Variants in KCTD20 observed in about 807,000 individuals in gnomAD.
The protein encoded by KCTD20 is potassium channel tetramerization domain containing 20.
A neutral mutation model predicts 39.6 loss-of-function variants in KCTD20; 30 were observed. The ratio of observed to expected loss-of-function variants is 0.76; its 90% CI spans 0.57 to 1.03. The LOEUF is 1.03. KCTD20 is among the 50% of genes least tolerant of loss of function. The pLI, the probability that KCTD20 is intolerant of heterozygous loss-of-function variation, is 0.00. For missense variants in KCTD20, 422 were observed against 522.0 expected (o/e 0.81, Z 1.87); for synonymous variants, 162 against 180.6 (o/e 0.90, Z 0.83).
chr6:36,461,676 A>G (rs748360495), intron 1 of KCTD20, among the ~76,000 whole-genome samples: 1 of 152,194 alleles, frequency 6.6e-6, no homozygotes, highest in Non-Finnish European at 1.5e-5. Context: ...ACAAAAAAGT[A>G]CTGTAACTCA....
At chr6:36,445,808 T>C (rs968858967) in intron 1 of KCTD20, among the ~76,000 whole-genome samples, 9 of 152,010 alleles carry the variant, frequency 5.9e-5, no homozygotes, top group Non-Finnish European at 8.8e-5. Flanking sequence ...TATAAGTAGA[T>C]GGAGAAAAAT....
At chr6:36,479,455 C>A in intron 4 of KCTD20, 136 bp from the exon 5 acceptor site, 1 of 818,820 alleles carries the variant, frequency 1.2e-6, no homozygotes, top group Non-Finnish European at 1.9e-6. Context: ...AGCTGTTTTG[C>A]CATCTAATGA....
At chr6:36,455,703 G>A (rs1385660790) in intron 1 of KCTD20, among the ~76,000 whole-genome samples, 6 of 152,108 alleles carry the variant, frequency 3.9e-5, no homozygotes, top group African/African-American at 1.2e-4. Flanking sequence ...TCTGAAACCC[G>A]TAAGACAGGT....
At position 36,473,666 on chromosome 6, in the gene KCTD20, G is replaced by A. The variant is rs367767362; in HGVS notation, c.161-1123G>A. Among the ~76,000 whole-genome samples the A allele has an allele frequency of 6.7e-4, 102 of 152,036 alleles. 1 individual carries two copies. The East Asian group carries it at 0.011, about 16-fold the overall frequency. ...CGGGCTCCTGTAGTCCCAGCTGCTCGGGAGGCTGAGGCAGGAGAATAGCGT... is the reference window on the plus strand; with the variant it reads ...CGGGCTCCTGTAGTCCCAGCTGCTCAGGAGGCTGAGGCAGGAGAATAGCGT... On this transcript the variant is annotated intron_variant, in intron 2 of 7. Transcript: ENST00000373731.
At chr6:36,445,867 A>G (rs1429168075) in intron 1 of KCTD20, among the ~76,000 whole-genome samples, 1 of 152,114 alleles carries the variant, frequency 6.6e-6, no homozygotes, top group Non-Finnish European at 1.5e-5. Flanking sequence ...TATCTGGAAA[A>G]ATGGAGATTG....
Position 36,469,907 on chromosome 6 carries a change from T to C in KCTD20, c.-46-145T>C, listed in dbSNP as rs1323306655. 1 of 441,604 alleles carries C rather than the reference T, an allele frequency of 2.3e-6. No homozygotes were observed. Among genetic ancestry groups the C allele is most frequent in the African/African-American group, 2.0e-5 (1 of 49,968 alleles). The allele number at this position is 441,604 out of a possible 1,614,324, so 27.4% of individuals were successfully genotyped here. A position where few individuals can be genotyped will look rare whatever the true frequency, so the allele number is the denominator to read the frequency against. ...TAAATCAGCCTGATTCCTATCGATA[T>C]AAAAATCACAAAAATGTTTAAGATG... On this transcript the variant is annotated intron_variant, in intron 1 of 7. Coordinates refer to ENST00000373731, the MANE Select transcript of KCTD20 (RefSeq NM_173562.5). This position sits in a 1 kb window ranked among gnomAD's most constrained non-coding sequence, Gnocchi z 4.6.
intron 2 of KCTD20, among the ~76,000 whole-genome samples, chr6:36,474,186 C>T (rs893514695): frequency 6.6e-6 from 1 of 151,856 alleles, no homozygotes; most frequent in East Asian, 1.9e-4. Context: ...AACTCATCAT[C>T]TAGCATTAGC....
chr6:36,447,956 A>C (rs1338369054), intron 1 of KCTD20, among the ~76,000 whole-genome samples: 3 of 150,004 alleles, frequency 2.0e-5, no homozygotes, highest in South Asian at 2.1e-4. Flanking sequence ...GTGCCACTGC[A>C]TTCCAGCCTG....
rs1486488251 is a variant in KCTD20, at chr6:36,488,132, G to A, written c.*957G>A. 6.6e-6 allele frequency: 1 copy of A among 152,234 alleles called. No homozygotes were observed. The highest frequency in any genetic ancestry group is 2.1e-4 in the South Asian group (1 of 4,828). 9.4% of individuals were successfully genotyped at this position (152,234 alleles called of 1,614,324 possible). On this transcript the variant is annotated 3_prime_UTR_variant, in exon 8 of 8. Coordinates refer to ENST00000373731, the MANE Select transcript of KCTD20 (RefSeq NM_173562.5). ...AGAGTGCCAGCATGGGGTACATGGA[G>A]TGAAGCTGGGTGGGAAGCATCATCT...
intron 5 of KCTD20, among the ~76,000 whole-genome samples, chr6:36,480,512 C>A (rs1323146905): frequency 1.3e-5 from 2 of 149,804 alleles, no homozygotes; most frequent in Non-Finnish European, 3.0e-5. Flanking sequence ...CCCACCTCAG[C>A]CTCCTGAGTA....
intron 1 of KCTD20, among the ~76,000 whole-genome samples, chr6:36,451,823 A>T (rs969510739): frequency 2.0e-5 from 3 of 151,216 alleles, no homozygotes; most frequent in African/African-American, 7.3e-5. Flanking sequence ...ATTTCTATTT[A>T]TTTATTTAGA....
At chr6:36,453,143 G>T (rs1775318714) in intron 1 of KCTD20, among the ~76,000 whole-genome samples, 1 of 151,520 alleles carries the variant, frequency 6.6e-6, no homozygotes, top group Non-Finnish European at 1.5e-5. Flanking sequence ...AAGTAGCTGG[G>T]ATTACAGACG....
chr6:36,451,468 T>A (rs1775252783), intron 1 of KCTD20: 1 of 152,146 alleles, frequency 6.6e-6, no homozygotes, highest in Non-Finnish European at 1.5e-5. Context: ...ATCTAATATA[T>A]CAATACTATT....
At chr6:36,465,557 T>G (rs184020575) in intron 1 of KCTD20, 4 of 152,022 alleles carry the variant, frequency 2.6e-5, no homozygotes, top group African/African-American at 7.2e-5. Flanking sequence ...GGATTCATAC[T>G]CAAGATGATT....
In KCTD20 at chr6:36,488,492, A is replaced by AT. The variant is rs1467194268; in HGVS notation, c.*1319dup. On this transcript the variant is annotated 3_prime_UTR_variant, in exon 8 of 8. Transcript: ENST00000373731. Reference sequence around the variant, plus strand: ...CAGAGCCAGATATAAGTATTTTGGAATTATCTCCCAGTTTGTGGTAGAAGC... The same window carrying AT: ...CAGAGCCAGATATAAGTATTTTGGAATTTATCTCCCAGTTTGTGGTAGAAGC... The AT allele has an allele frequency of 6.6e-6, 1 of 152,186 alleles. No individual in the cohort carries two copies. Among genetic ancestry groups the AT allele is most frequent in the Non-Finnish European group, 1.5e-5 (1 of 68,030 alleles). 9.4% of individuals were successfully genotyped at this position (152,186 alleles called of 1,614,324 possible). A position where few individuals can be genotyped will look rare whatever the true frequency, so the allele number is the denominator to read the frequency against.
At chr6:36,457,463 T>A (rs1003192704) in intron 1 of KCTD20, among the ~76,000 whole-genome samples, 3 of 152,196 alleles carry the variant, frequency 2.0e-5, no homozygotes, top group Admixed American at 1.3e-4. Flanking sequence ...ATTCCAATGC[T>A]TTGGGAGGCC....
chr6:36,446,344 A>T (rs992742557), intron 1 of KCTD20, among the ~76,000 whole-genome samples: 59 of 152,234 alleles, frequency 3.9e-4, no homozygotes, highest in African/African-American at 1.2e-3. Flanking sequence ...CAGTATTTTT[A>T]AAAAAATATT....
chr6:36,469,810 G>T lies in KCTD20; in HGVS notation c.-46-242G>T, dbSNP rs143224669. Among the ~76,000 whole-genome samples the T allele has an allele frequency of 1.4e-4, 21 of 152,314 alleles. No homozygotes were observed. The East Asian group carries it at 3.9e-3, about 28-fold the overall frequency. The stretch of plus-strand genomic sequence containing the variant: ...TGTGACCAAAGTCAGTGAATTTGAT[G>T]TCTGTTCATGGATAAAATTATTCCC... On this transcript the variant is annotated intron_variant, in intron 1 of 7. Transcript: ENST00000373731. The surrounding 1 kb of genome is among the most constrained non-coding windows in gnomAD (Gnocchi z 4.6).
chr6:36,467,869 C>G (rs1392034317), intron 1 of KCTD20, among the ~76,000 whole-genome samples: 5 of 152,036 alleles, frequency 3.3e-5, no homozygotes, highest in African/African-American at 9.7e-5. Context: ...ATGGATGGTT[C>G]TCAAGAACAT....
Sources: allele counts gnomAD v4.1 joint callset (sites outside exome capture counted in the v4.1 genomes callset), GRCh38; gene constraint gnomAD v4.1.1; non-coding constraint Gnocchi (gnomAD v3.1); transcripts MANE v1.5; gene names NCBI Gene and HGNC (gene_info 2026-07-23, HGNC 2026-07-21).